The following ANKFN1 variants were observed in gnomAD, a reference collection of about 807,000 sequenced individuals.
ANKFN1 encodes ankyrin repeat and fibronectin type-III domain-containing protein 1.
A neutral mutation model predicts 108.7 loss-of-function variants in ANKFN1; 74 were observed. The observed-to-expected ratio is 0.68, with a 90% confidence interval of 0.56 to 0.83. The LOEUF is 0.83. Among genes scored for constraint, ANKFN1 ranks in the 40% least tolerant of loss-of-function variants. The pLI, the probability that ANKFN1 is intolerant of heterozygous loss-of-function variation, is 0.00. For synonymous variants in ANKFN1, 547 were observed against 516.2 expected (o/e 1.06, Z -0.81); for missense variants, 1,505 against 1,382.3 (o/e 1.09, Z -1.41).
intron 4 of ANKFN1, among the ~76,000 whole-genome samples, chr17:56,124,284 G>T (rs73993541): frequency 1.2e-3 from 176 of 152,288 alleles, no homozygotes; most frequent in African/African-American, 4.0e-3. Context: ...ACAGATAAAA[G>T]TGCTGAGGCA....
chr17:56,113,851 AGG>A lies in ANKFN1; in HGVS notation c.288+67527_288+67528del, dbSNP rs1169411385. On this transcript the variant is annotated intron_variant, in intron 4 of 12. Coordinates refer to the ANKFN1 transcript ENST00000635860. ...GAGAAGGTCAGATGGATATATGATT[AGG>A]AGAGATAGATGTTAGAGGGAAATTC... Among the ~76,000 whole-genome samples, 19 of 63,966 alleles carry A rather than the reference AGG, an allele frequency of 3.0e-4. No individual in the cohort carries two copies. In the African/African-American group the frequency reaches 3.1e-3, roughly 10 times the overall value. 42.0% of individuals were successfully genotyped at this position (63,966 alleles called of 152,430 possible). A position where few individuals can be genotyped will look rare whatever the true frequency, so the allele number is the denominator to read the frequency against.
At chr17:56,072,411 T>A (rs1905131128) in intron 4 of ANKFN1, among the ~76,000 whole-genome samples, 1 of 151,958 alleles carries the variant, frequency 6.6e-6, no homozygotes, top group South Asian at 2.1e-4. Context: ...CAACACTAGA[T>A]CAAGAAACAA....
intron 20 of ANKFN1, among the ~76,000 whole-genome samples, 165 bp from the exon 21 acceptor site, chr17:56,510,308 G>A (rs1463045505): frequency 1.3e-5 from 2 of 152,300 alleles, no homozygotes; most frequent in Non-Finnish European, 2.9e-5. Flanking sequence ...TGAAAATGTG[G>A]GGCCCCTAGT....
intron 4 of ANKFN1, among the ~76,000 whole-genome samples, chr17:56,340,157 T>G (rs2045922983): frequency 6.6e-6 from 1 of 152,176 alleles, no homozygotes. Flanking sequence ...ATGGGGTTGT[T>G]TGTTTCTTGT....
chr17:56,082,367 C>T (rs1190390170), intron 4 of ANKFN1, among the ~76,000 whole-genome samples: 1 of 151,842 alleles, frequency 6.6e-6, no homozygotes, highest in Non-Finnish European at 1.5e-5. Context: ...ATTTTTGAAT[C>T]TCCACGGGCT....
chr17:56,407,795 T>G (rs1402275130), intron 8 of ANKFN1, among the ~76,000 whole-genome samples: 1 of 152,214 alleles, frequency 6.6e-6, no homozygotes, highest in African/African-American at 2.4e-5. Flanking sequence ...ACTAGAATGA[T>G]CTTAGAGATA....
At chr17:56,111,507 C>G (rs957004269) in intron 4 of ANKFN1, among the ~76,000 whole-genome samples, 2 of 143,534 alleles carry the variant, frequency 1.4e-5, no homozygotes, top group Non-Finnish European at 3.0e-5. Flanking sequence ...TAAGACAAAA[C>G]TTCTCATAAA....
At chr17:56,347,268 G>T (rs1281248501) in intron 4 of ANKFN1, among the ~76,000 whole-genome samples, 1 of 151,828 alleles carries the variant, frequency 6.6e-6, no homozygotes, top group Non-Finnish European at 1.5e-5. Context: ...ATATACTTTG[G>T]TGTCTCTATT....
At chr17:56,362,363 A>G (rs904288594) in intron 6 of ANKFN1, among the ~76,000 whole-genome samples, 2 of 152,254 alleles carry the variant, frequency 1.3e-5, no homozygotes, top group Admixed American at 1.3e-4. Flanking sequence ...AGAATCCACT[A>G]GCCACATATG....
chr17:56,289,314 G>A, intron 3 of ANKFN1, among the ~76,000 whole-genome samples: 1 of 152,260 alleles, frequency 6.6e-6, no homozygotes, highest in Middle Eastern at 3.4e-3. Flanking sequence ...TTTTGCTGGT[G>A]TTCAGAAACA....
chr17:56,351,075 A>G (rs17759670), intron 5 of ANKFN1, 108 bp downstream of exon 5: 589,456 of 1,102,146 alleles, frequency 0.53, 159,447 homozygotes, highest in East Asian at 0.57. Context: ...GATGCTTGCA[A>G]TTTTATAAAT....
intron 4 of ANKFN1, among the ~76,000 whole-genome samples, chr17:56,106,993 T>G (rs980288253): frequency 1.2e-4 from 18 of 152,118 alleles, no homozygotes; most frequent in Non-Finnish European, 1.9e-4. Context: ...CATGGAAGCT[T>G]CAATTTTGCA....
chr17:56,102,763 G>A (rs553360451), intron 4 of ANKFN1, among the ~76,000 whole-genome samples: 1 of 152,120 alleles, frequency 6.6e-6, no homozygotes, highest in East Asian at 1.9e-4. Flanking sequence ...ATTTTTATTA[G>A]AGGCAGGATC....
chr17:56,268,580 C>T (rs962511298), intron 3 of ANKFN1, among the ~76,000 whole-genome samples: 8 of 152,110 alleles, frequency 5.3e-5, no homozygotes, highest in African/African-American at 1.9e-4. Flanking sequence ...TAACCAAAAT[C>T]AGAACTGAGT....
chr17:56,248,637 A>C (rs2043169276), intron 3 of ANKFN1, among the ~76,000 whole-genome samples: 1 of 152,192 alleles, frequency 6.6e-6, no homozygotes. Flanking sequence ...CTGGAATTTA[A>C]GCATCTACCA....
chr17:56,157,447 C>A (rs778706877), intron 1 of ANKFN1, among the ~76,000 whole-genome samples: 1 of 152,160 alleles, frequency 6.6e-6, no homozygotes, highest in Non-Finnish European at 1.5e-5. Flanking sequence ...CTCGGATGAC[C>A]ATCATTAGCA....
At chr17:56,189,018 G>A (rs1912579769) in intron 1 of ANKFN1, among the ~76,000 whole-genome samples, 1 of 151,946 alleles carries the variant, frequency 6.6e-6, no homozygotes, top group African/African-American at 2.4e-5. Flanking sequence ...TGAACACATA[G>A]GGGTACTGGG....
intron 1 of ANKFN1, among the ~76,000 whole-genome samples, chr17:56,173,769 T>C (rs1476312160): frequency 1.3e-5 from 2 of 152,160 alleles, no homozygotes; most frequent in Non-Finnish European, 1.5e-5. Flanking sequence ...GCCAGATTTT[T>C]GTCCTTTTAA....
chr17:56,503,280 T>C (rs2051435397), intron 20 of ANKFN1, among the ~76,000 whole-genome samples: 1 of 151,852 alleles, frequency 6.6e-6, no homozygotes, highest in African/African-American at 2.4e-5. Flanking sequence ...TTCCAGATGA[T>C]GTTAAGAGTA....
Sources: allele counts gnomAD v4.1 joint callset (sites outside exome capture counted in the v4.1 genomes callset), GRCh38; gene constraint gnomAD v4.1.1; transcripts MANE v1.5; gene names NCBI Gene and HGNC (gene_info 2026-07-23, HGNC 2026-07-21).